The following RYR2 variants were observed in gnomAD, a reference collection of about 807,000 sequenced individuals.
RYR2 encodes ryanodine receptor 2.
RYR2 carries 227 observed loss-of-function variants against 601.1 expected under a neutral mutation model. The ratio of observed to expected loss-of-function variants is 0.38; its 90% CI spans 0.34 to 0.42. RYR2 has a LOEUF of 0.42. Among genes scored for constraint, RYR2 ranks in the 10% least tolerant of loss-of-function variants. The pLI is 1.00. For missense variants in RYR2, 4,646 were observed against 6,156.5 expected (o/e 0.75, Z 8.21); for synonymous variants, 2,223 against 2,175.1 (o/e 1.02, Z -0.61).
chr1:237,117,974 G>A (rs11808576), intron 1 of RYR2, among the ~76,000 whole-genome samples: 2,327 of 152,260 alleles, frequency 0.015, 47 homozygotes, highest in African/African-American at 0.049. Context: ...TCGAATTCCT[G>A]ACCTCAGGTG....
intron 4 of RYR2, among the ~76,000 whole-genome samples, chr1:237,360,368 C>T (rs1699678437): frequency 6.6e-6 from 1 of 152,056 alleles, no homozygotes; most frequent in African/African-American, 2.4e-5. Context: ...TGAAGAAAGC[C>T]CTAGATACCT....
chr1:237,605,189 C>T (rs879646991), intron 35 of RYR2, among the ~76,000 whole-genome samples: 26 of 152,084 alleles, frequency 1.7e-4, no homozygotes, highest in Admixed American at 5.9e-4. Flanking sequence ...TACTGGCAAA[C>T]GGAATCCAGC....
rs187812244 is a variant in RYR2 at position 237,662,730 on chromosome 1, G to C, written c.8436+1783G>C. On this transcript the variant is annotated intron_variant, in intron 56 of 104. Coordinates refer to ENST00000366574, the MANE Select transcript of RYR2 (RefSeq NM_001035.3). ...CCGTGAAACCATCTCTCATGTCTTA[G>C]TGATTTTCACGGTGACATGTGATTT... 3.0e-3 allele frequency among the ~76,000 whole-genome samples: 451 copies of C among 152,244 alleles called. 1 individual carries two copies. The highest frequency in any genetic ancestry group is 0.01 in the African/African-American group (427 of 41,536).
At chr1:237,304,247 G>A (rs1013671536) in intron 2 of RYR2, among the ~76,000 whole-genome samples, 2 of 152,154 alleles carry the variant, frequency 1.3e-5, no homozygotes, top group African/African-American at 4.8e-5. Flanking sequence ...AAGCCTGCTG[G>A]CTAGAGATCA....
intron 71 of RYR2, 129 bp from the exon 72 acceptor site, chr1:237,717,069 A>C (rs1251999859): frequency 5.4e-6 from 4 of 742,836 alleles, no homozygotes; most frequent in Non-Finnish European, 8.6e-6. Flanking sequence ...TTCTCAAAAC[A>C]GGAGGATTTT....
intron 89 of RYR2, among the ~76,000 whole-genome samples, chr1:237,782,660 A>G (rs1695220955): frequency 6.6e-6 from 1 of 152,188 alleles, no homozygotes. Flanking sequence ...ATACTAACAA[A>G]CAGCAACAAT....
At chr1:237,501,207 G>T (rs1443221114) in intron 21 of RYR2, among the ~76,000 whole-genome samples, 5 of 146,108 alleles carry the variant, frequency 3.4e-5, no homozygotes, top group African/African-American at 1.3e-4. Flanking sequence ...TTATTTAGAT[G>T]AAATGAGCAA....
intron 58 of RYR2, among the ~76,000 whole-genome samples, chr1:237,669,933 C>T (rs562948048): frequency 3.4e-4 from 51 of 152,220 alleles, no homozygotes; most frequent in African/African-American, 1.1e-3. Context: ...GAGGCCAAGG[C>T]AGGCGGCTGG....
intron 35 of RYR2, 22 bp downstream of exon 35, chr1:237,602,133 ATTGTAT>A: frequency 6.4e-7 from 1 of 1,570,900 alleles, no homozygotes. Context: ...TATTCCTGGT[ATTGTAT>A]TTGTATTTTT....
chr1:237,784,372 A>C lies in RYR2; in HGVS notation c.12660A>C (p.Glu4220Asp), dbSNP rs1323430299. Residue 4220 changes from glutamate to aspartate, a missense_variant, in exon 90 of 105, where the codon GAA becomes GAC. Glu to Asp is a conservative substitution (Grantham distance 45). This residue lies in a region of RYR2 where 364 missense variants were observed against 442.9 expected (regional missense o/e 0.82). Transcript: ENST00000366574. The surrounding 1 kb of genome is among the most constrained non-coding windows in gnomAD (Gnocchi z 7.1). ...DLNERSANKE[E>D]SEKERPEEQG... ...ACGAGAGGTCAGCGAATAAGGAAGA[A>C]AGCGAGAAGGAGAGGCCGGAAGAGC... The C allele has an allele frequency of 4.3e-6, 7 of 1,613,850 alleles. No homozygotes were observed. Among genetic ancestry groups the C allele is most frequent in the Admixed American group, 1.7e-5 (1 of 60,000 alleles).
At chr1:237,263,824 G>A (rs1197621110) in intron 1 of RYR2, among the ~76,000 whole-genome samples, 2 of 152,116 alleles carry the variant, frequency 1.3e-5, no homozygotes, top group Non-Finnish European at 2.9e-5. Context: ...ATTAGTAAAA[G>A]TGACAAGGTC....
chr1:237,355,145 G>A (rs1699185022), intron 3 of RYR2, among the ~76,000 whole-genome samples: 1 of 152,088 alleles, frequency 6.6e-6, no homozygotes, highest in Non-Finnish European at 1.5e-5. Flanking sequence ...TTTCATACAT[G>A]AAGGGTGTGA....
chr1:237,282,235 T>C (rs1170393635), intron 2 of RYR2, among the ~76,000 whole-genome samples: 2 of 152,058 alleles, frequency 1.3e-5, no homozygotes, highest in East Asian at 3.9e-4. Flanking sequence ...ATTTTAGTTT[T>C]GTGGGTCAGA....
At chr1:237,224,548 T>C (rs1349461835) in intron 1 of RYR2, among the ~76,000 whole-genome samples, 1 of 152,146 alleles carries the variant, frequency 6.6e-6, no homozygotes. Context: ...TCTAGAGTCT[T>C]TACATATGTT....
At chr1:237,354,791 T>C (rs950167228) in intron 3 of RYR2, among the ~76,000 whole-genome samples, 38 of 152,204 alleles carry the variant, frequency 2.5e-4, no homozygotes, top group African/African-American at 9.1e-4. Context: ...ATAACAACAG[T>C]GTGTTTGTAA....
At chr1:237,493,166 A>G (rs1663604152) in intron 19 of RYR2, 79 bp downstream of exon 19, 1 of 1,513,856 alleles carries the variant, frequency 6.6e-7, no homozygotes, top group Non-Finnish European at 9.1e-7. Context: ...CTGATACTAT[A>G]TGGTCTGTTT....
At chr1:237,462,736 G>A (rs1051519422) in intron 16 of RYR2, among the ~76,000 whole-genome samples, 18 of 152,132 alleles carry the variant, frequency 1.2e-4, no homozygotes, top group Non-Finnish European at 2.2e-4. Flanking sequence ...CTCCCTAAAT[G>A]CCATAAAACA....
At chr1:237,297,309 A>T (rs779088512) in intron 2 of RYR2, among the ~76,000 whole-genome samples, 7 of 152,222 alleles carry the variant, frequency 4.6e-5, no homozygotes, top group Non-Finnish European at 8.8e-5. Context: ...TTATAAGGAA[A>T]GGTGATCTTT....
At chr1:237,053,501 C>T (rs564472716) in intron 1 of RYR2, among the ~76,000 whole-genome samples, 7 of 152,300 alleles carry the variant, frequency 4.6e-5, no homozygotes, top group African/African-American at 1.7e-4. Flanking sequence ...CCTGCAAAGT[C>T]AGCCCGACTT....
Sources: allele counts gnomAD v4.1 joint callset (sites outside exome capture counted in the v4.1 genomes callset), GRCh38; gene constraint gnomAD v4.1.1; regional missense constraint gnomAD v4.1.1; non-coding constraint Gnocchi (gnomAD v3.1); transcripts MANE v1.5; gene names NCBI Gene and HGNC (gene_info 2026-07-23, HGNC 2026-07-21).